ZNF41: variants seen among roughly 807,000 people sequenced by gnomAD.
ZNF41 encodes zinc finger protein 41.
A neutral mutation model predicts 9.3 loss-of-function variants in ZNF41; 6 were observed. That is an observed-to-expected ratio of 0.65 (90% CI 0.35 to 1.28). The LOEUF is 1.28. ZNF41 is among the 50% of genes most tolerant of loss of function. The probability of loss-of-function intolerance (pLI) is 0.03; values close to 1 mark genes in which losing one functional copy is unlikely to be tolerated. For synonymous variants in ZNF41, 192 were observed against 207.1 expected (o/e 0.93, Z 0.63); for missense variants, 523 against 585.8 (o/e 0.89, Z 1.11).
intron 2 of ZNF41, among the ~76,000 whole-genome samples, chrX:47,465,023 C>T (rs1037563626): frequency 6.3e-5 from 7 of 111,449 alleles, no homozygotes; most frequent in African/African-American, 2.0e-4. Context: ...GTAGCTGCGA[C>T]TACAGGTGCA....
At chrX:47,454,067 G>A (rs767725888) in intron 4 of ZNF41, among the ~76,000 whole-genome samples, 19 of 110,917 alleles carry the variant, frequency 1.7e-4, no homozygotes, top group South Asian at 3.9e-4. Flanking sequence ...GTGAGACTCT[G>A]TCTCAAAAAA....
At chrX:47,465,402 C>T (rs991056645) in intron 2 of ZNF41, among the ~76,000 whole-genome samples, 2 of 111,492 alleles carry the variant, frequency 1.8e-5, no homozygotes, top group African/African-American at 6.5e-5. Context: ...TTCAAAATTG[C>T]AAAGGGAGCA....
chrX:47,445,600 G>GT lies in ZNF41; in HGVS notation c.*1829dup, dbSNP rs755864395. 3.4e-4 allele frequency among the ~76,000 whole-genome samples: 38 copies of GT among 112,107 alleles called. No homozygotes were observed. The highest frequency in any genetic ancestry group is 1.2e-3 in the African/African-American group (36 of 30,911). Reference sequence around the variant, plus strand: ...CATTGGTACAACCACTTGAAAACTGGTTTTATAACATATAGCTGAACATAT... The same window carrying GT: ...CATTGGTACAACCACTTGAAAACTGGTTTTTATAACATATAGCTGAACATAT... On this transcript the variant is annotated 3_prime_UTR_variant, in exon 5 of 5. Transcript: ENST00000684689.
Position 47,447,681 on chromosome X carries a change from C to A in ZNF41, c.2089G>T (p.Gly697Trp). 1 of 1,211,600 alleles carries A rather than the reference C, an allele frequency of 8.3e-7. No individual in the cohort carries two copies. ...CGTGACTTCCAGGTGAAGGTTTTCCCGCAGTCACCACATTCATAGGGTTTC... is the reference window on the plus strand; with the variant it reads ...CGTGACTTCCAGGTGAAGGTTTTCCAGCAGTCACCACATTCATAGGGTTTC... ...REKPYECGDC[G>W]KTFTWKSRLN... The change falls in exon 5 of 5, where the codon GGG becomes TGG. Residue 697 changes from glycine to tryptophan, a missense_variant. Gly to Trp is a radical substitution (Grantham distance 184, BLOSUM62 -2). Transcript: ENST00000684689.
At chrX:47,468,719 C>T (rs939404397) in intron 1 of ZNF41, among the ~76,000 whole-genome samples, 2 of 111,388 alleles carry the variant, frequency 1.8e-5, no homozygotes, top group Non-Finnish European at 3.8e-5. Flanking sequence ...TACAGGCCCC[C>T]CAAAACTGAC....
intron 4 of ZNF41, among the ~76,000 whole-genome samples, chrX:47,451,971 C>T (rs1440224130): frequency 8.9e-6 from 1 of 112,138 alleles, no homozygotes; most frequent in African/African-American, 3.2e-5. Context: ...AAGTGGATCT[C>T]GATCTCTTTA....
chrX:47,477,556 A>T (rs1293695237), intron 1 of ZNF41, among the ~76,000 whole-genome samples: 2 of 112,619 alleles, frequency 1.8e-5, no homozygotes, highest in Non-Finnish European at 3.8e-5. Flanking sequence ...AAAATTTTTT[A>T]AAACTCTTAT....
chrX:47,468,063 T>C (rs2057049727), intron 1 of ZNF41, among the ~76,000 whole-genome samples: 1 of 111,942 alleles, frequency 8.9e-6, no homozygotes, highest in South Asian at 3.7e-4. Flanking sequence ...GCATGTTTTA[T>C]TAGGTACCTC....
chrX:47,463,598 T>C (rs1342491700), intron 2 of ZNF41, among the ~76,000 whole-genome samples: 1 of 111,491 alleles, frequency 9.0e-6, no homozygotes, highest in African/African-American at 3.3e-5. Context: ...CCACACTGGA[T>C]ACATGTTTAA....
At chrX:47,473,542 AAAC>A (rs1195168573) in intron 1 of ZNF41, among the ~76,000 whole-genome samples, 1 of 112,165 alleles carries the variant, frequency 8.9e-6, no homozygotes, top group African/African-American at 3.2e-5. Context: ...CAAATGCATT[AAAC>A]CACATGAAGT....
chrX:47,468,807 T>C (rs2147760010), intron 1 of ZNF41, among the ~76,000 whole-genome samples: 1 of 111,251 alleles, frequency 9.0e-6, no homozygotes, highest in South Asian at 3.8e-4. Flanking sequence ...ATGGACTGAA[T>C]CGATGACCTC....
Position 47,447,275 on chromosome X carries a change from G to GA in ZNF41, c.*154dup. 1.5e-6 allele frequency: 1 copy of GA among 681,902 alleles called. No homozygotes were observed. The highest frequency in any genetic ancestry group is 3.2e-5 in the East Asian group (1 of 30,807). 56.2% of individuals were successfully genotyped at this position (681,902 alleles called of 1,213,427 possible). A position where few individuals can be genotyped will look rare whatever the true frequency, so the allele number is the denominator to read the frequency against. On this transcript the variant is annotated 3_prime_UTR_variant, in exon 5 of 5. Transcript: ENST00000684689. ...CAGGAACTTGTCTTTCCAGTGGACT[G>GA]AAGGATACTTGGCTCTGTTTGCCTT...
At chrX:47,465,283 G>T (rs368909800) in intron 2 of ZNF41, among the ~76,000 whole-genome samples, 1 of 112,281 alleles carries the variant, frequency 8.9e-6, no homozygotes, top group Non-Finnish European at 1.9e-5. Flanking sequence ...GACTGGTTGT[G>T]GGGGGATGGG....
In ZNF41 at chrX:47,448,077, G is replaced by GC. The variant is rs2056194723; in HGVS notation, c.1692dup (p.Arg565AlafsTer16). Reference sequence around the variant, plus strand: ...TGAGATTTCTGATGTATTTTGAGGCGCGACTTCCATATGAAGGCTTTTCCA... The same window carrying GC: ...TGAGATTTCTGATGTATTTTGAGGCGCCGACTTCCATATGAAGGCTTTTCCA... On this transcript the variant is annotated frameshift_variant, in exon 5 of 5. Transcript: ENST00000684689. LOFTEE classifies it low-confidence loss of function (END_TRUNC). 1 of 1,209,505 alleles carries GC rather than the reference G, an allele frequency of 8.3e-7. No individual in the cohort carries two copies. The highest frequency in any genetic ancestry group is 2.2e-5 in the Admixed American group (1 of 45,599).
rs367808460 is a variant in ZNF41 at position 47,467,488 on chromosome X, G to A, written c.-7C>T. 8.4e-5 allele frequency: 99 copies of A among 1,180,380 alleles called. 1 individual carries two copies. The highest frequency in any genetic ancestry group is 4.3e-5 in the Non-Finnish European group (38 of 879,145). On this transcript the variant is annotated 5_prime_UTR_variant, in exon 2 of 5. Transcript: ENST00000684689. ...AGTCCCCATTAGCTGCCATGTTCAC[G>A]CTGGGCCTCAGCCCTCAGGCTCTCC...
chrX:47,477,359 G>T (rs2147837483), intron 1 of ZNF41, among the ~76,000 whole-genome samples: 1 of 110,239 alleles, frequency 9.1e-6, no homozygotes, highest in East Asian at 2.9e-4. Flanking sequence ...GGCCAGGCTG[G>T]TCTCAAACTC....
chrX:47,482,612 CGCGTGT>C (rs2057508813), intron 1 of ZNF41: 1 of 113,069 alleles, frequency 8.8e-6, no homozygotes, highest in Non-Finnish European at 1.9e-5. Context: ...CGTGCGCGTG[CGCGTGT>C]GCGTCGAAGG....
At chrX:47,462,994 T>C (rs868469086) in intron 2 of ZNF41, among the ~76,000 whole-genome samples, 54 of 98,200 alleles carry the variant, frequency 5.5e-4, no homozygotes, top group Non-Finnish European at 9.1e-4. Context: ...CACACACACA[T>C]ACACACACAT....
At chrX:47,475,308 T>C (rs750467482) in intron 1 of ZNF41, among the ~76,000 whole-genome samples, 56 of 110,274 alleles carry the variant, frequency 5.1e-4, no homozygotes, top group African/African-American at 1.8e-3. Context: ...ATAACATCTC[T>C]AGCAAACATA....
Sources: allele counts gnomAD v4.1 joint callset (sites outside exome capture counted in the v4.1 genomes callset), GRCh38; gene constraint gnomAD v4.1.1; transcripts MANE v1.5; gene names NCBI Gene and HGNC (gene_info 2026-07-23, HGNC 2026-07-21).